MFAP3L: variants seen among roughly 807,000 people sequenced by gnomAD.
MFAP3L encodes the protein microfibrillar-associated protein 3-like.
Under a neutral mutation model 20.0 loss-of-function variants are expected in MFAP3L, and 5 were observed. The ratio of observed to expected loss-of-function variants is 0.25; its 90% confidence interval spans 0.13 to 0.53. The LOEUF is 0.53. Ranked by LOEUF, MFAP3L falls within the 20% of genes least tolerant of loss-of-function variation. MFAP3L has a pLI of 0.96. For missense variants in MFAP3L, 409 were observed against 527.5 expected (o/e 0.78, Z 2.20); for synonymous variants, 219 against 213.0 (o/e 1.03, Z -0.25).
intron 2 of MFAP3L, among the ~76,000 whole-genome samples, chr4:170,000,723 T>C (rs183762179): frequency 1.3e-5 from 2 of 152,322 alleles, no homozygotes; most frequent in Admixed American, 1.3e-4. Flanking sequence ...TTGCTACCAT[T>C]TGATGTTCTG....
intron 1 of MFAP3L, among the ~76,000 whole-genome samples, chr4:170,017,095 G>A (rs565677091): frequency 5.1e-4 from 78 of 152,234 alleles, no homozygotes; most frequent in Admixed American, 4.2e-3. Flanking sequence ...GATCACCTAG[G>A]GTTTCCTCTT....
At chr4:170,004,165 C>G (rs1411442198) in intron 2 of MFAP3L, among the ~76,000 whole-genome samples, 1 of 152,128 alleles carries the variant, frequency 6.6e-6, no homozygotes, top group Non-Finnish European at 1.5e-5. Flanking sequence ...CCATGTTGGC[C>G]AGGCTGGTCT....
chr4:170,011,709 G>A (rs936148772), intron 1 of MFAP3L, among the ~76,000 whole-genome samples: 1 of 152,096 alleles, frequency 6.6e-6, no homozygotes, highest in Admixed American at 6.5e-5. Flanking sequence ...AATCCGGCAG[G>A]GGACACAGGA....
chr4:170,010,595 G>A (rs889677691), intron 1 of MFAP3L, among the ~76,000 whole-genome samples: 2 of 152,038 alleles, frequency 1.3e-5, no homozygotes, highest in African/African-American at 4.8e-5. Context: ...CTTAGTGAAC[G>A]GCAAATATAT....
In MFAP3L at chr4:169,988,891, T is replaced by C. The variant is rs1737463543; in HGVS notation, c.*2487A>G. The C allele has an allele frequency of 6.6e-6, 1 of 152,198 alleles. No individual in the cohort carries two copies. Among genetic ancestry groups the C allele is most frequent in the Non-Finnish European group, 1.5e-5 (1 of 68,036 alleles). 9.4% of individuals were successfully genotyped at this position (152,198 alleles called of 1,614,324 possible). ...ATTCTTTGGCCGCATATTTCTGCTCTTGCTCCACTGAAAATCTGCCCACTT... is the reference window on the plus strand; with the variant it reads ...ATTCTTTGGCCGCATATTTCTGCTCCTGCTCCACTGAAAATCTGCCCACTT... On this transcript the variant is annotated 3_prime_UTR_variant, in exon 3 of 3. Transcript: ENST00000361618.
At chr4:170,009,507 C>T (rs1739246421) in intron 1 of MFAP3L, among the ~76,000 whole-genome samples, 1 of 151,690 alleles carries the variant, frequency 6.6e-6, no homozygotes, top group Non-Finnish European at 1.5e-5. Context: ...AAGAGTAAAC[C>T]CTAAGTACTA....
At chr4:170,024,029 C>T (rs1054289964) in intron 1 of MFAP3L, among the ~76,000 whole-genome samples, 2 of 152,160 alleles carry the variant, frequency 1.3e-5, no homozygotes, top group Non-Finnish European at 2.9e-5. Context: ...CTAAAAATCA[C>T]GTGCCTAGCA....
intron 1 of MFAP3L, among the ~76,000 whole-genome samples, chr4:170,022,740 C>T (rs141818152): frequency 5.8e-4 from 88 of 152,224 alleles, no homozygotes; most frequent in African/African-American, 1.8e-3. Context: ...TTGGACTGGC[C>T]GCTCTGAGCT....
rs142595686 is a variant in MFAP3L, at chr4:170,026,267, G to A, written c.-167C>T. ...GCCGCGCCACTCAGGTGGCCGCCGT[G>A]CACCCCTCGCCATGGCCAGCCCGAC... is the stretch of plus-strand genomic sequence containing the variant. On this transcript the variant is annotated 5_prime_UTR_variant, in exon 1 of 3. Transcript: ENST00000361618. The A allele has an allele frequency of 8.3e-3, 8,181 of 984,450 alleles. 48 individuals are homozygous for A. The highest frequency in any genetic ancestry group is 0.026 in the South Asian group (556 of 21,292). The allele number at this position is 984,450 out of a possible 1,614,324, so 61.0% of individuals were successfully genotyped here.
At chr4:170,022,025 C>T (rs1740068432) in intron 1 of MFAP3L, among the ~76,000 whole-genome samples, 1 of 152,168 alleles carries the variant, frequency 6.6e-6, no homozygotes, top group African/African-American at 2.4e-5. Context: ...TAAATTTTAG[C>T]TTTCACAGCT....
At chr4:169,996,845 G>C (rs1560970638) in intron 2 of MFAP3L, among the ~76,000 whole-genome samples, 1 of 152,110 alleles carries the variant, frequency 6.6e-6, no homozygotes, top group Non-Finnish European at 1.5e-5. Context: ...GTATTTCTTA[G>C]AGGGGCCACA....
At chr4:170,000,448 A>G (rs1421908616) in intron 2 of MFAP3L, among the ~76,000 whole-genome samples, 5 of 152,198 alleles carry the variant, frequency 3.3e-5, no homozygotes, top group Admixed American at 3.3e-4. Flanking sequence ...AGGATATAGT[A>G]TAATATTAAC....
intron 1 of MFAP3L, among the ~76,000 whole-genome samples, chr4:170,008,290 C>T (rs534003068): frequency 2.0e-5 from 3 of 152,292 alleles, no homozygotes; most frequent in Non-Finnish European, 4.4e-5. Flanking sequence ...AGACATAACG[C>T]ATCATTTACA....
At chr4:170,001,542 G>A (rs758703864) in intron 2 of MFAP3L, among the ~76,000 whole-genome samples, 1 of 152,154 alleles carries the variant, frequency 6.6e-6, no homozygotes, top group Non-Finnish European at 1.5e-5. Flanking sequence ...TGAAATCCTC[G>A]TTACTTATCT....
At chr4:170,020,825 G>T (rs1014986476) in intron 1 of MFAP3L, among the ~76,000 whole-genome samples, 1 of 151,838 alleles carries the variant, frequency 6.6e-6, no homozygotes, top group African/African-American at 2.4e-5. Context: ...GACTCCCAAG[G>T]TAGCCCCAGA....
intron 2 of MFAP3L, chr4:169,997,839 G>A (rs1037801887): frequency 1.1e-5 from 11 of 969,176 alleles, no homozygotes; most frequent in Non-Finnish European, 1.3e-5. Context: ...AGAATGTAGG[G>A]TAAGGGACAC....
In MFAP3L at chr4:170,005,994, G is replaced by A; in HGVS notation, c.-117C>T. 8.3e-6 allele frequency: 12 copies of A among 1,438,264 alleles called. No individual in the cohort carries two copies. The highest frequency in any genetic ancestry group is 6.1e-5 in the South Asian group (4 of 65,568). 89.1% of individuals were successfully genotyped at this position (1,438,264 alleles called of 1,614,324 possible). On this transcript the variant is annotated 5_prime_UTR_variant, in exon 2 of 3. It introduces an in-frame stop codon into an upstream open reading frame of the 5' UTR. Transcript: ENST00000361618. ...AAACCTGTCCTGGGTCCATAGAGTT[G>A]GTACTTGAGCAAGAACCTGTTTTTA... is the stretch of plus-strand genomic sequence containing the variant.
chr4:170,003,702 C>T (rs1738845111), intron 2 of MFAP3L: 2 of 985,442 alleles, frequency 2.0e-6, no homozygotes, highest in Admixed American at 1.2e-4. Flanking sequence ...AAAGGGAGAT[C>T]CAGGTCTTGG....
chr4:170,007,217 T>C (rs1053858180), intron 1 of MFAP3L, among the ~76,000 whole-genome samples: 1 of 152,186 alleles, frequency 6.6e-6, no homozygotes, highest in Non-Finnish European at 1.5e-5. Context: ...ACTGGAGTGC[T>C]TTCCTGCCCT....
Sources: allele counts gnomAD v4.1 joint callset (sites outside exome capture counted in the v4.1 genomes callset), GRCh38; gene constraint gnomAD v4.1.1; transcripts MANE v1.5; gene names NCBI Gene and HGNC (gene_info 2026-07-23, HGNC 2026-07-21).